CERKL: variants seen among roughly 807,000 people sequenced by gnomAD.
CERKL encodes the protein CERK like autophagy regulator.
Under a neutral mutation model 63.4 loss-of-function variants are expected in CERKL, and 61 were observed. That is an observed-to-expected ratio of 0.96 (90% CI 0.78 to 1.19). The LOEUF (loss-of-function observed/expected upper bound fraction) is 1.19, where lower values mean the gene tolerates loss of function less well. Ranked by LOEUF, CERKL falls within the 50% of genes most tolerant of loss-of-function variation. CERKL has a pLI of 0.00. For missense variants in CERKL, 675 were observed against 655.5 expected (o/e 1.03, Z -0.33); for synonymous variants, 250 against 230.5 (o/e 1.08, Z -0.77).
At chr2:181,551,709 A>G (rs944966323) in intron 5 of CERKL, among the ~76,000 whole-genome samples, 2 of 152,150 alleles carry the variant, frequency 1.3e-5, no homozygotes, top group Non-Finnish European at 2.9e-5. Context: ...GTGTAATGAG[A>G]TATCTGGGGG....
chr2:181,614,590 G>T (rs547938483), intron 1 of CERKL, among the ~76,000 whole-genome samples: 8 of 152,064 alleles, frequency 5.3e-5, no homozygotes, highest in African/African-American at 1.7e-4. Flanking sequence ...TTTTATGTCT[G>T]CTTCAGTTGT....
intron 10 of CERKL, 66 bp from the exon 11 acceptor site, chr2:181,544,862 A>G: frequency 1.1e-6 from 1 of 894,946 alleles, no homozygotes; most frequent in Admixed American, 2.0e-5. Context: ...AAATTATGAC[A>G]TACTGTTCCT....
chr2:181,574,138 CA>C (rs1019188136), intron 2 of CERKL, among the ~76,000 whole-genome samples: 3 of 151,208 alleles, frequency 2.0e-5, no homozygotes, highest in Admixed American at 6.6e-5. Flanking sequence ...AAGGAAGATG[CA>C]AAAAAAAGAG....
chr2:181,649,176 C>A (rs926348476), intron 1 of CERKL, among the ~76,000 whole-genome samples: 1 of 152,092 alleles, frequency 6.6e-6, no homozygotes, highest in African/African-American at 2.4e-5. Flanking sequence ...CTTACCTCAC[C>A]GTTAAAGACA....
chr2:181,577,109 C>T (rs56201049), intron 2 of CERKL, among the ~76,000 whole-genome samples: 56,566 of 151,916 alleles, frequency 0.37, 10,951 homozygotes, highest in African/African-American at 0.46. Context: ...CAGGTGCTGA[C>T]GATGTCTGCA....
intron 2 of CERKL, among the ~76,000 whole-genome samples, chr2:181,580,159 T>C (rs1353809279): frequency 2.0e-5 from 3 of 151,944 alleles, no homozygotes; most frequent in Non-Finnish European, 4.4e-5. Context: ...AATAATACTT[T>C]TGTGATGTTC....
At chr2:181,656,413 T>C (rs1344776193) in intron 1 of CERKL, among the ~76,000 whole-genome samples, 2 of 152,208 alleles carry the variant, frequency 1.3e-5, no homozygotes, top group African/African-American at 4.8e-5. Context: ...GGAGGAGTAG[T>C]TGACCTTCTC....
At chr2:181,639,100 A>C (rs910479650) in intron 1 of CERKL, among the ~76,000 whole-genome samples, 2 of 152,206 alleles carry the variant, frequency 1.3e-5, no homozygotes, top group Non-Finnish European at 2.9e-5. Context: ...AAATATCAGG[A>C]AAATCTGGAC....
chr2:181,538,937 G>A (rs2105786351), intron 12 of CERKL, among the ~76,000 whole-genome samples, 155 bp downstream of exon 12: 1 of 152,186 alleles, frequency 6.6e-6, no homozygotes, highest in African/African-American at 2.4e-5. Flanking sequence ...TTTATTTATT[G>A]AAATTTGTGC....
At chr2:181,575,998 A>C (rs1689119547) in intron 2 of CERKL, among the ~76,000 whole-genome samples, 1 of 152,110 alleles carries the variant, frequency 6.6e-6, no homozygotes, top group Non-Finnish European at 1.5e-5. Flanking sequence ...TCTATTACTG[A>C]TCTTTATACT....
At chr2:181,623,926 A>G (rs1430843095) in intron 1 of CERKL, among the ~76,000 whole-genome samples, 1 of 152,166 alleles carries the variant, frequency 6.6e-6, no homozygotes, top group Non-Finnish European at 1.5e-5. Flanking sequence ...GTTATGTAAT[A>G]TATTATATAT....
At chr2:181,547,919 C>A (rs1224445068) in intron 8 of CERKL, 72 bp from the exon 9 acceptor site, 2 of 1,104,250 alleles carry the variant, frequency 1.8e-6, no homozygotes, top group Non-Finnish European at 2.5e-6. Context: ...ACACACAAAT[C>A]TATTAAATAT....
chr2:181,598,155 C>T lies in CERKL; in HGVS notation c.481+5682G>A, dbSNP rs144621768. On this transcript the variant is annotated intron_variant, in intron 2 of 12. Coordinates refer to ENST00000410087, the MANE Select transcript of CERKL (RefSeq NM_201548.5). ...TCCACCCCTGCTGAAAGTGAGAATG[C>T]CACTTAGGCTTACATAAAGGGTGGG... Among the ~76,000 whole-genome samples, 533 of 152,224 alleles carry T rather than the reference C, an allele frequency of 3.5e-3. 2 individuals are homozygous for T. The highest frequency in any genetic ancestry group is 0.01 in the Middle Eastern group (3 of 294).
At chr2:181,590,011 G>T (rs772065850) in intron 2 of CERKL, among the ~76,000 whole-genome samples, 3 of 151,566 alleles carry the variant, frequency 2.0e-5, no homozygotes, top group Non-Finnish European at 4.4e-5. Context: ...GTAGAGAGAG[G>T]TTTTTCCCAT....
rs1687146366 is a variant in CERKL, at chr2:181,536,924, G to GGAAAGATTTCTTTATA, written c.*1244_*1259dup. On this transcript the variant is annotated 3_prime_UTR_variant, in exon 13 of 13. Coordinates refer to ENST00000410087, the MANE Select transcript of CERKL (RefSeq NM_201548.5). Reference sequence around the variant, plus strand: ...AAGGCAATGTGGAAAAACAATTCTGGGAAAGATTTCTTTATATGAAGTCCC... The same window carrying GGAAAGATTTCTTTATA: ...AAGGCAATGTGGAAAAACAATTCTGGGAAAGATTTCTTTATAGAAAGATTTCTTTATATGAAGTCCC... 1 of 453,422 alleles carries GGAAAGATTTCTTTATA rather than the reference G, an allele frequency of 2.2e-6. No homozygotes were observed. The highest frequency in any genetic ancestry group is 4.4e-6 in the Non-Finnish European group (1 of 226,528). 28.1% of individuals were successfully genotyped at this position (453,422 alleles called of 1,614,324 possible). A position where few individuals can be genotyped will look rare whatever the true frequency, so the allele number is the denominator to read the frequency against.
chr2:181,648,888 C>A (rs1159058354), intron 1 of CERKL, among the ~76,000 whole-genome samples: 1 of 152,040 alleles, frequency 6.6e-6, no homozygotes, highest in Admixed American at 6.6e-5. Context: ...TTATGTTAGC[C>A]CCATGGTACC....
intron 2 of CERKL, among the ~76,000 whole-genome samples, chr2:181,577,288 C>G (rs1303768815): frequency 6.6e-6 from 1 of 152,116 alleles, no homozygotes; most frequent in Non-Finnish European, 1.5e-5. Context: ...GAAAATGACT[C>G]AGTAGTCTGC....
At chr2:181,655,894 A>G (rs1443540077) in intron 1 of CERKL, among the ~76,000 whole-genome samples, 2 of 152,224 alleles carry the variant, frequency 1.3e-5, no homozygotes, top group African/African-American at 4.8e-5. Flanking sequence ...AGCTAATTCA[A>G]CAATGGGGAG....
At chr2:181,596,645 G>T (rs1159491253) in intron 2 of CERKL, among the ~76,000 whole-genome samples, 1 of 152,158 alleles carries the variant, frequency 6.6e-6, no homozygotes, top group Non-Finnish European at 1.5e-5. Context: ...TATTTAATAA[G>T]AATATAGCAT....
Sources: allele counts gnomAD v4.1 joint callset (sites outside exome capture counted in the v4.1 genomes callset), GRCh38; gene constraint gnomAD v4.1.1; transcripts MANE v1.5; gene names NCBI Gene and HGNC (gene_info 2026-07-23, HGNC 2026-07-21).